The following JAKMIP1 variants were observed in gnomAD, a reference collection of about 807,000 sequenced individuals.
The protein encoded by JAKMIP1 is janus kinase and microtubule interacting protein 1, also known as janus kinase and microtubule-interacting protein 1.
Under a neutral mutation model 113.0 loss-of-function variants are expected in JAKMIP1, and 33 were observed. The ratio of observed to expected loss-of-function variants is 0.29; its 90% CI spans 0.22 to 0.39. The LOEUF (loss-of-function observed/expected upper bound fraction) is 0.39. Ranked by LOEUF, JAKMIP1 falls within the 10% of genes least tolerant of loss-of-function variation. The pLI, the probability that JAKMIP1 is intolerant of heterozygous loss-of-function variation, is 1.00. For missense variants in JAKMIP1, 813 were observed against 1,080.5 expected, an observed-to-expected ratio of 0.75 and a Z score of 3.47; for synonymous variants, 480 against 459.9, an observed-to-expected ratio of 1.04 and a Z score of -0.56.
In JAKMIP1 at chr4:6,193,810, G is replaced by C. The variant is rs1160686463; in HGVS notation, c.-148+6443C>G. 6.6e-6 allele frequency among the ~76,000 whole-genome samples: 1 copy of C among 152,206 alleles called. No individual in the cohort carries two copies. The highest frequency in any genetic ancestry group is 1.5e-5 in the Non-Finnish European group (1 of 68,032). Reference sequence around the variant, plus strand: ...AGAGGGTGGAAGAGCCTGCAGAATAGGACCTGAGCAGCCAAAGCCCTGGGA... The same window carrying C: ...AGAGGGTGGAAGAGCCTGCAGAATACGACCTGAGCAGCCAAAGCCCTGGGA... On this transcript the variant is annotated intron_variant, in intron 1 of 20. Transcript: ENST00000409021. The surrounding 1 kb of genome is among the most constrained non-coding windows in gnomAD (Gnocchi z 6.4).
Position 6,154,285 on chromosome 4 carries a change from C to T in JAKMIP1, c.-147-41288G>A, listed in dbSNP as rs1295538943. On this transcript the variant is annotated intron_variant, in intron 1 of 20. Coordinates refer to ENST00000409021, the MANE Select transcript of JAKMIP1 (RefSeq NM_001099433.2). This position sits in a 1 kb window ranked among gnomAD's most constrained non-coding sequence, Gnocchi z 4.2. ...GTTGCTCCTATTTTAGGCCATTGAA[C>T]TACTTTAATAATTCGGTCATTTTCA... Among the ~76,000 whole-genome samples the T allele has an allele frequency of 1.3e-5, 2 of 152,168 alleles. No homozygotes were observed. Among genetic ancestry groups the T allele is most frequent in the Non-Finnish European group, 2.9e-5 (2 of 68,034 alleles).
rs566024741 is a variant in JAKMIP1 at position 6,036,255 on chromosome 4, G to C, written c.2176-148C>G. The C allele has an allele frequency of 4.6e-4, 294 of 635,692 alleles. 4 individuals are homozygous for C. The African/African-American group carries it at 4.8e-3, about 10-fold the overall frequency. 39.4% of individuals were successfully genotyped at this position (635,692 alleles called of 1,614,324 possible). A position where few individuals can be genotyped will look rare whatever the true frequency, so the allele number is the denominator to read the frequency against. ...GCAGGGGCCAAGCACAGGGCCAGCA[G>C]TGCCCGGGGGAGCAGGCTGTGAGGG... is the stretch of plus-strand genomic sequence containing the variant. On this transcript the variant is annotated intron_variant, in intron 18 of 20. Transcript: ENST00000409021.
chr4:6,170,533 AC>A lies in JAKMIP1; in HGVS notation c.-148+29719del, dbSNP rs1724419141. On this transcript the variant is annotated intron_variant, in intron 1 of 20. Coordinates refer to ENST00000409021, the MANE Select transcript of JAKMIP1 (RefSeq NM_001099433.2). ...CACCACCATCACCACCATTATCACC[AC>A]CACCACCACCTCCATCACCATCACC... Among the ~76,000 whole-genome samples, 4 of 32,832 alleles carry A rather than the reference AC, an allele frequency of 1.2e-4. No individual in the cohort carries two copies. The South Asian group carries it at 4.3e-3, about 36-fold the overall frequency. The allele number at this position is 32,832 out of a possible 152,430, so 21.5% of individuals were successfully genotyped here. A position where few individuals can be genotyped will look rare whatever the true frequency, so the allele number is the denominator to read the frequency against.
intron 18 of JAKMIP1, among the ~76,000 whole-genome samples, chr4:6,037,517 A>C (rs28581328): frequency 0.04 from 5,434 of 136,814 alleles, no homozygotes; most frequent in African/African-American, 0.15. Flanking sequence ...AGGTTAACCC[A>C]GTAGCCCTCC....
rs1446024488 is a variant in JAKMIP1 at position 6,042,338 on chromosome 4, C to T, written c.2029-111G>A. ...CATAGATCGGCTTCCTCAGAGTGTG[C>T]TCAGGAATGGGTCAGGTCATGGCAC... On this transcript the variant is annotated intron_variant, in intron 16 of 20. Transcript: ENST00000409021. This position sits in a 1 kb window ranked among gnomAD's most constrained non-coding sequence, Gnocchi z 5.2. 1.8e-5 allele frequency: 15 copies of T among 852,634 alleles called. No individual in the cohort carries two copies. The East Asian group carries it at 3.2e-4, about 18-fold the overall frequency. 52.8% of individuals were successfully genotyped at this position (852,634 alleles called of 1,614,324 possible).
intron 19 of JAKMIP1, among the ~76,000 whole-genome samples, chr4:6,030,561 C>T (rs1417873829): frequency 6.6e-6 from 1 of 152,180 alleles, no homozygotes; most frequent in African/African-American, 2.4e-5. Context: ...TTCATGTGCT[C>T]ACAGGGCTTC....
chr4:6,084,836 G>T lies in JAKMIP1; in HGVS notation c.954+10C>A. On this transcript the variant is annotated intron_variant, in intron 5 of 20. Transcript: ENST00000409021. Reference sequence around the variant, plus strand: ...CTATGAGGCACCGCCTGTCTCTTGGGGCTACTTACCAGTTCATTCCTCTCA... The same window carrying T: ...CTATGAGGCACCGCCTGTCTCTTGGTGCTACTTACCAGTTCATTCCTCTCA... The T allele has an allele frequency of 6.2e-7, 1 of 1,607,858 alleles. No individual in the cohort carries two copies. Among genetic ancestry groups the T allele is most frequent in the Non-Finnish European group, 8.5e-7 (1 of 1,178,062 alleles).
intron 20 of JAKMIP1, 29 bp downstream of exon 20, chr4:6,029,687 T>C: frequency 6.7e-7 from 1 of 1,500,706 alleles, no homozygotes; most frequent in Non-Finnish European, 9.2e-7. Context: ...GAAAGAAACC[T>C]GGGGACAGTC....
chr4:6,091,088 T>C (rs1359055165), intron 3 of JAKMIP1, among the ~76,000 whole-genome samples: 3 of 152,234 alleles, frequency 2.0e-5, no homozygotes, highest in African/African-American at 7.2e-5. Flanking sequence ...CAGCAGCCCA[T>C]CTTCTGAATG....
At chr4:6,111,026 G>A in intron 2 of JAKMIP1, among the ~76,000 whole-genome samples, 1 of 152,034 alleles carries the variant, frequency 6.6e-6, no homozygotes, top group Middle Eastern at 3.2e-3. Context: ...TGAACACCTA[G>A]GGATGGAGAC....
At chr4:6,174,744 C>T (rs1483312730) in intron 1 of JAKMIP1, among the ~76,000 whole-genome samples, 1 of 152,054 alleles carries the variant, frequency 6.6e-6, no homozygotes, top group African/African-American at 2.4e-5. Context: ...AGCCCCACCC[C>T]CTCCCTGCTC....
intron 1 of JAKMIP1, among the ~76,000 whole-genome samples, chr4:6,145,870 T>C (rs1720779504): frequency 1.3e-5 from 2 of 152,144 alleles, no homozygotes; most frequent in Non-Finnish European, 2.9e-5. Context: ...ACCAGTCATA[T>C]TGAATTAGGG....
intron 1 of JAKMIP1, among the ~76,000 whole-genome samples, chr4:6,160,525 C>T (rs1395163241): frequency 1.3e-5 from 2 of 152,156 alleles, no homozygotes; most frequent in Non-Finnish European, 2.9e-5. Flanking sequence ...ATGCTGCATG[C>T]CCTGCTCCCT....
At chr4:6,026,685 C>T (rs544234302) in intron 20 of JAKMIP1, among the ~76,000 whole-genome samples, 16 of 151,744 alleles carry the variant, frequency 1.1e-4, no homozygotes, top group African/African-American at 3.6e-4. Flanking sequence ...GATGTGTGCA[C>T]CGAAGATCAG....
intron 1 of JAKMIP1, among the ~76,000 whole-genome samples, chr4:6,122,661 G>A (rs1716872339): frequency 6.6e-6 from 1 of 152,228 alleles, no homozygotes; most frequent in Admixed American, 6.5e-5. Context: ...TAGGATGCGG[G>A]AGACGTCAGT....
At chr4:6,114,129 T>C (rs1408479108) in intron 1 of JAKMIP1, among the ~76,000 whole-genome samples, 2 of 152,002 alleles carry the variant, frequency 1.3e-5, no homozygotes, top group African/African-American at 4.8e-5. Flanking sequence ...AGTCAGTGAG[T>C]CGTGGCGTTG....
rs73795729 is a variant in JAKMIP1, at chr4:6,109,668, A to G, written c.129+3054T>C. ...TTCTCACTCAGCCCAGGCATGGAGCATGCATGCCAGGGGTTTGCAGATGAA... is the reference window on the plus strand; with the variant it reads ...TTCTCACTCAGCCCAGGCATGGAGCGTGCATGCCAGGGGTTTGCAGATGAA... On this transcript the variant is annotated intron_variant, in intron 2 of 20. Coordinates refer to ENST00000409021, the MANE Select transcript of JAKMIP1 (RefSeq NM_001099433.2). Among the ~76,000 whole-genome samples, 1,339 of 152,136 alleles carry G rather than the reference A, an allele frequency of 8.8e-3. 12 individuals carry two copies. The highest frequency in any genetic ancestry group is 0.031 in the African/African-American group (1,283 of 41,506).
rs1362032112 is a variant in JAKMIP1, at chr4:6,042,135, C to A, written c.2097+24G>T. 1.2e-6 allele frequency: 2 copies of A among 1,602,640 alleles called. No individual in the cohort carries two copies. Among genetic ancestry groups the A allele is most frequent in the Admixed American group, 3.3e-5 (2 of 59,984 alleles). On this transcript the variant is annotated intron_variant, in intron 17 of 20. Transcript: ENST00000409021. This position sits in a 1 kb window ranked among gnomAD's most constrained non-coding sequence, Gnocchi z 5.2. The stretch of plus-strand genomic sequence containing the variant: ...TGAGCTCTTTGAACCCTCTCCCCCA[C>A]CCCCAGGCAGTCAAATCTTTTACCT...
chr4:6,110,921 G>T (rs944732411), intron 2 of JAKMIP1, among the ~76,000 whole-genome samples: 1 of 150,522 alleles, frequency 6.6e-6, no homozygotes, highest in African/African-American at 2.4e-5. Flanking sequence ...CAGCCCCGGA[G>T]GTGACCTGGC....
Sources: allele counts gnomAD v4.1 joint callset (sites outside exome capture counted in the v4.1 genomes callset), GRCh38; gene constraint gnomAD v4.1.1; non-coding constraint Gnocchi (gnomAD v3.1); transcripts MANE v1.5; gene names NCBI Gene and HGNC (gene_info 2026-07-23, HGNC 2026-07-21).